The following FOXO3 variants were observed in gnomAD, a reference collection of about 807,000 sequenced individuals.
FOXO3 encodes forkhead box protein O3.
A neutral mutation model predicts 41.9 loss-of-function variants in FOXO3; 4 were observed. The ratio of observed to expected loss-of-function variants is 0.10; its 90% CI spans 0.05 to 0.22. The LOEUF is 0.22. Ranked by LOEUF, FOXO3 falls within the 10% of genes least tolerant of loss-of-function variation. The pLI is 1.00. For missense variants in FOXO3, 534 were observed against 906.8 expected, an observed-to-expected ratio of 0.59 and a Z score of 5.28; for synonymous variants, 318 against 389.3, an observed-to-expected ratio of 0.82 and a Z score of 2.16.
intron 1 of FOXO3, among the ~76,000 whole-genome samples, chr6:108,645,747 G>C (rs1778377591): frequency 6.6e-6 from 1 of 152,130 alleles, no homozygotes; most frequent in Non-Finnish European, 1.5e-5. Flanking sequence ...GCACATAAAA[G>C]TCTTTCTTGT....
intron 1 of FOXO3, among the ~76,000 whole-genome samples, chr6:108,585,972 C>T (rs1776570170): frequency 6.6e-6 from 1 of 152,200 alleles, no homozygotes; most frequent in African/African-American, 2.4e-5. Flanking sequence ...GCTTCTACCA[C>T]ATTCCTATCC....
intron 1 of FOXO3, among the ~76,000 whole-genome samples, chr6:108,581,731 T>G (rs746835669): frequency 6.6e-6 from 1 of 152,238 alleles, no homozygotes; most frequent in Non-Finnish European, 1.5e-5. Flanking sequence ...GAATCATTTC[T>G]TCTTTGTCAA....
intron 1 of FOXO3, among the ~76,000 whole-genome samples, chr6:108,582,745 G>T (rs1776467185): frequency 6.6e-6 from 1 of 151,888 alleles, no homozygotes; most frequent in South Asian, 2.1e-4. Flanking sequence ...AGCTGACTCT[G>T]ACCCAGGAAA....
At chr6:108,589,486 T>C (rs1205990212) in intron 1 of FOXO3, among the ~76,000 whole-genome samples, 5 of 152,258 alleles carry the variant, frequency 3.3e-5, no homozygotes, top group African/African-American at 9.6e-5. Context: ...CTGCCATTCC[T>C]GACTGTCTTG....
chr6:108,593,712 C>CTTTTTTTTTTTTT (rs34228633), intron 1 of FOXO3, among the ~76,000 whole-genome samples: 29 of 83,338 alleles, frequency 3.5e-4, no homozygotes, highest in Non-Finnish European at 4.2e-4. Context: ...TTTTCTTCTT[C>CTTTTTTTTTTTTT]TTTTTTTTTT....
chr6:108,610,689 CT>C (rs1777336089), intron 1 of FOXO3, among the ~76,000 whole-genome samples: 1 of 152,170 alleles, frequency 6.6e-6, no homozygotes, highest in Non-Finnish European at 1.5e-5. Context: ...TCGCCCACAC[CT>C]TTTGTTCCTT....
At position 108,679,467 on chromosome 6, in the gene FOXO3, G is replaced by A. The variant is rs1273790087; in HGVS notation, c.*35-360G>A. Among the ~76,000 whole-genome samples, 4 of 152,154 alleles carry A rather than the reference G, an allele frequency of 2.6e-5. No individual in the cohort carries two copies. The East Asian group carries it at 7.8e-4, about 29-fold the overall frequency. Reference sequence around the variant, plus strand: ...CATGTCCTAGGAAATCCCTCAGTCCGGAAGTCTAGAACAGAATCTTATCTG... The same window carrying A: ...CATGTCCTAGGAAATCCCTCAGTCCAGAAGTCTAGAACAGAATCTTATCTG... On this transcript the variant is annotated intron_variant, in intron 2 of 2. Transcript: ENST00000406360.
intron 1 of FOXO3, among the ~76,000 whole-genome samples, chr6:108,651,537 A>G (rs1274609205): frequency 6.6e-6 from 1 of 152,224 alleles, no homozygotes; most frequent in East Asian, 1.9e-4. Context: ...GGTTTTTCTG[A>G]GCCATAACAT....
chr6:108,587,633 T>C (rs1353212009), intron 1 of FOXO3, among the ~76,000 whole-genome samples: 1 of 152,256 alleles, frequency 6.6e-6, no homozygotes, highest in Admixed American at 6.5e-5. Flanking sequence ...CCCTTCGTTT[T>C]AGACCAGTCT....
At chr6:108,635,339 G>A (rs1227051820) in intron 1 of FOXO3, among the ~76,000 whole-genome samples, 1 of 152,060 alleles carries the variant, frequency 6.6e-6, no homozygotes, top group Non-Finnish European at 1.5e-5. Context: ...TGGGATAGTG[G>A]TCGTGGTTGC....
chr6:108,644,853 T>C (rs1778351671), intron 1 of FOXO3, among the ~76,000 whole-genome samples: 4 of 152,212 alleles, frequency 2.6e-5, no homozygotes, highest in Admixed American at 1.3e-4. Flanking sequence ...CAGAGCACTT[T>C]TCACAATTTG....
chr6:108,600,329 C>T (rs1357307826), intron 1 of FOXO3, among the ~76,000 whole-genome samples: 5 of 151,784 alleles, frequency 3.3e-5, no homozygotes, highest in South Asian at 2.1e-4. Flanking sequence ...GCGGATCACC[C>T]GAGGTCAGGA....
rs533052902 is a variant in FOXO3, at chr6:108,585,108, C to A, written c.621+23279C>A. Among the ~76,000 whole-genome samples the A allele has an allele frequency of 1.7e-3, 232 of 134,132 alleles. 2 individuals carry two copies. The highest frequency in any genetic ancestry group is 1.9e-3 in the Non-Finnish European group (123 of 65,340). The allele number at this position is 134,132 out of a possible 152,430, so 88.0% of individuals were successfully genotyped here. ...GGACTGCGGACTGCAATGGCGCAATCTCGGCTCACTGCAAGCTCCGCTTCC... is the reference window on the plus strand; with the variant it reads ...GGACTGCGGACTGCAATGGCGCAATATCGGCTCACTGCAAGCTCCGCTTCC... On this transcript the variant is annotated intron_variant, in intron 1 of 2. Transcript: ENST00000406360.
At chr6:108,622,069 C>T (rs1777681960) in intron 1 of FOXO3, among the ~76,000 whole-genome samples, 1 of 151,634 alleles carries the variant, frequency 6.6e-6, no homozygotes, top group Admixed American at 6.6e-5. Flanking sequence ...CTAGCCTGGC[C>T]AATATGATGA....
At chr6:108,564,064 A>G (rs1030394640) in intron 1 of FOXO3, among the ~76,000 whole-genome samples, 1 of 152,186 alleles carries the variant, frequency 6.6e-6, no homozygotes, top group African/African-American at 2.4e-5. Context: ...TACAGGGCAC[A>G]CATTTTATGA....
At chr6:108,636,844 G>A (rs1778134272) in intron 1 of FOXO3, among the ~76,000 whole-genome samples, 1 of 152,152 alleles carries the variant, frequency 6.6e-6, no homozygotes, top group African/African-American at 2.4e-5. Context: ...TTGCATCCCT[G>A]GAAGAATTTG....
At chr6:108,604,752 G>A (rs1194511537) in intron 1 of FOXO3, among the ~76,000 whole-genome samples, 1 of 151,680 alleles carries the variant, frequency 6.6e-6, no homozygotes, top group African/African-American at 2.4e-5. Context: ...CAGTTTGTTT[G>A]GTTTGGACCC....
At chr6:108,611,978 C>G (rs1777378436) in intron 1 of FOXO3, among the ~76,000 whole-genome samples, 1 of 152,166 alleles carries the variant, frequency 6.6e-6, no homozygotes, top group Non-Finnish European at 1.5e-5. Flanking sequence ...TCTAGACCCT[C>G]TGTTCTATTG....
intron 1 of FOXO3, among the ~76,000 whole-genome samples, chr6:108,571,394 A>C (rs549253781): frequency 2.6e-5 from 4 of 152,288 alleles, no homozygotes; most frequent in African/African-American, 9.6e-5. Flanking sequence ...AGGGTTAAAT[A>C]GAGTTCCTCT....
Sources: gnomAD v4.1 joint callset for allele counts (sites outside exome capture counted in the v4.1 genomes callset) on GRCh38, gnomAD v4.1.1 for gene constraint, MANE v1.5 for transcripts, NCBI Gene and HGNC (gene_info 2026-07-23, HGNC 2026-07-21) for gene names.